VPS13D: variants seen among roughly 807,000 people sequenced by gnomAD.
VPS13D encodes the protein vacuolar protein sorting 13 homolog D.
VPS13D carries 187 observed loss-of-function variants against 461.9 expected under a neutral mutation model. The ratio of observed to expected loss-of-function variants is 0.40; its 90% CI spans 0.36 to 0.46. The LOEUF (loss-of-function observed/expected upper bound fraction) is 0.46. VPS13D is among the 20% of genes least tolerant of loss of function. VPS13D has a pLI of 0.60. For missense variants in VPS13D, 4,711 were observed against 5,364.9 expected (o/e 0.88, Z 3.81); for synonymous variants, 1,951 against 1,986.3 (o/e 0.98, Z 0.47).
Position 12,279,697 on chromosome 1 carries a change from TCTA to T in VPS13D, c.4602+48_4602+50del, listed in dbSNP as rs773593535. On this transcript the variant is annotated intron_variant, in intron 20 of 69. Coordinates refer to ENST00000620676, the MANE Select transcript of VPS13D (RefSeq NM_015378.4). This position sits in a 1 kb window ranked among gnomAD's most constrained non-coding sequence, Gnocchi z 4.3. ...TGAAGTCATATGTTTATATTAGTAC[TCTA>T]TAAATATGATATATATTTATGTATA... The T allele has an allele frequency of 9.7e-6, 14 of 1,440,384 alleles. No homozygotes were observed. The highest frequency in any genetic ancestry group is 2.0e-4 in the Middle Eastern group (1 of 5,020). The allele number at this position is 1,440,384 out of a possible 1,614,324, so 89.2% of individuals were successfully genotyped here.
intron 60 of VPS13D, among the ~76,000 whole-genome samples, chr1:12,388,273 A>C (rs1436045225): frequency 1.3e-5 from 2 of 152,188 alleles, no homozygotes; most frequent in Non-Finnish European, 2.9e-5. Flanking sequence ...TAATTCAGCA[A>C]AGGAGATAAA....
intron 46 of VPS13D, among the ~76,000 whole-genome samples, chr1:12,352,965 CAAAAAAAAAA>C (rs61588046): frequency 1.9e-3 from 34 of 17,584 alleles, no homozygotes; most frequent in Admixed American, 6.1e-3. Flanking sequence ...AACTCAGTCT[CAAAAAAAAAA>C]AAAAAAAAAA....
At position 12,299,852 on chromosome 1, in the gene VPS13D, A is replaced by G. The variant is rs1642370463; in HGVS notation, c.6216+468A>G. Among the ~76,000 whole-genome samples, 1 of 151,288 alleles carries G rather than the reference A, an allele frequency of 6.6e-6. No homozygotes were observed. Among genetic ancestry groups the G allele is most frequent in the African/African-American group, 2.4e-5 (1 of 41,258 alleles). On this transcript the variant is annotated intron_variant, in intron 25 of 69. Coordinates refer to ENST00000620676, the MANE Select transcript of VPS13D (RefSeq NM_015378.4). This position sits in a 1 kb window ranked among gnomAD's most constrained non-coding sequence, Gnocchi z 4.2. Reference sequence around the variant, plus strand: ...GAAGCCATTTAAAAATGTCTTAATAATAACATCTGTACAGTATATTGCTTT... The same window carrying G: ...GAAGCCATTTAAAAATGTCTTAATAGTAACATCTGTACAGTATATTGCTTT...
rs1645393535 is a variant in VPS13D, at chr1:12,460,369, G to A, written c.12635G>A (p.Arg4212Lys). 1 of 1,609,122 alleles carries A rather than the reference G, an allele frequency of 6.2e-7. No homozygotes were observed. Among genetic ancestry groups the A allele is most frequent in the Admixed American group, 1.7e-5 (1 of 59,514 alleles). The change falls in exon 67 of 70, where the codon AGA (arginine) becomes AAA (lysine). Residue 4212 changes from arginine (R) to lysine (K), a missense_variant. Around this residue, in one of 3 missense-constraint regions of VPS13D, gnomAD observed 106 missense variants for 206.2 expected, o/e 0.51. Transcript: ENST00000620676. ...DFASETAQAVRDTATLSGPRT... is the reference protein window; with the variant it reads ...DFASETAQAVKDTATLSGPRT... ...GCATCAGAAACAGCCCAGGCGGTGA[G>A]AGACACAGCCACACTCAGCGGCCCC...
At chr1:12,477,133 G>A (rs536265162) in intron 67 of VPS13D, among the ~76,000 whole-genome samples, 1 of 152,160 alleles carries the variant, frequency 6.6e-6, no homozygotes, top group African/African-American at 2.4e-5. Flanking sequence ...CCAACTCTTA[G>A]TATCAAGATG....
intron 65 of VPS13D, among the ~76,000 whole-genome samples, chr1:12,443,658 C>T (rs1228533295): frequency 1.3e-5 from 2 of 151,894 alleles, no homozygotes; most frequent in East Asian, 3.9e-4. Context: ...TTATGTTTAA[C>T]CCTCACAAAA....
intron 24 of VPS13D, among the ~76,000 whole-genome samples, chr1:12,298,302 A>G (rs965150770): frequency 6.6e-6 from 1 of 152,190 alleles, no homozygotes; most frequent in Non-Finnish European, 1.5e-5. Flanking sequence ...GGCCTGTATT[A>G]TGGCCGAGGC....
intron 46 of VPS13D, among the ~76,000 whole-genome samples, chr1:12,351,156 A>G (rs368972166): frequency 2.0e-5 from 3 of 152,236 alleles, no homozygotes; most frequent in Admixed American, 6.5e-5. Flanking sequence ...CTCAGAAAAT[A>G]GAAGAGGAAA....
chr1:12,292,594 C>T (rs1012775318), intron 23 of VPS13D, among the ~76,000 whole-genome samples: 1 of 151,964 alleles, frequency 6.6e-6, no homozygotes, highest in Admixed American at 6.6e-5. Flanking sequence ...CATGCACCAT[C>T]ACACCCGGCT....
At position 12,276,302 on chromosome 1, in the gene VPS13D, A is replaced by G. The variant is rs1361517495; in HGVS notation, c.2714A>G (p.Glu905Gly). The stretch of plus-strand genomic sequence containing the variant: ...TGCTTTGCTCTCCTCACCACCCCAG[A>G]AATGAAAACTTCTGACACTCAGATT... ...KNCFALLTTP[E>G]MKTSDTQIKE... is the part of the protein sequence containing the mutation. The change falls in exon 19 of 70, where the codon GAA becomes GGA. Residue 905 changes from glutamate (E) to glycine (G), a missense_variant. Transcript: ENST00000620676. The surrounding 1 kb of genome is among the most constrained non-coding windows in gnomAD (Gnocchi z 4.5). The G allele has an allele frequency of 6.2e-7, 1 of 1,614,052 alleles. No individual in the cohort carries two copies. The highest frequency in any genetic ancestry group is 1.3e-5 in the African/African-American group (1 of 74,916).
chr1:12,459,822 G>A (rs930765703), intron 66 of VPS13D, among the ~76,000 whole-genome samples: 1 of 151,862 alleles, frequency 6.6e-6, no homozygotes, highest in African/African-American at 2.4e-5. Context: ...AACTTTCCCC[G>A]AAGGCCCAAT....
chr1:12,326,717 C>T (rs575617092), intron 35 of VPS13D, among the ~76,000 whole-genome samples: 1 of 151,902 alleles, frequency 6.6e-6, no homozygotes, highest in South Asian at 2.1e-4. Context: ...AATCTTGGCT[C>T]CCTGCAACCT....
chr1:12,362,912 C>G (rs540817544), intron 51 of VPS13D, 62 bp downstream of exon 51: 2 of 1,607,846 alleles, frequency 1.2e-6, no homozygotes, highest in Admixed American at 3.4e-5. Context: ...TTAATGTCAT[C>G]TTCTGTGAAG....
intron 3 of VPS13D, among the ~76,000 whole-genome samples, chr1:12,243,609 C>G (rs1557659794): frequency 6.6e-6 from 1 of 152,152 alleles, no homozygotes; most frequent in African/African-American, 2.4e-5. Context: ...CTGGGCAACA[C>G]TGCTTGACTC....
intron 13 of VPS13D, among the ~76,000 whole-genome samples, chr1:12,266,258 CTG>C (rs1641263339): frequency 2.0e-5 from 3 of 152,364 alleles, no homozygotes; most frequent in East Asian, 1.9e-4. Context: ...AGAGGATTGA[CTG>C]TGGTTTTGAA....
chr1:12,410,538 G>GA (rs1644712963), intron 63 of VPS13D, among the ~76,000 whole-genome samples: 1 of 152,030 alleles, frequency 6.6e-6, no homozygotes, highest in African/African-American at 2.4e-5. Flanking sequence ...GAGACCAAGA[G>GA]AAAAAACAAA....
intron 25 of VPS13D, among the ~76,000 whole-genome samples, chr1:12,303,644 T>C (rs1025801493): frequency 6.6e-6 from 1 of 152,212 alleles, no homozygotes; most frequent in Non-Finnish European, 1.5e-5. Flanking sequence ...GTTTTTGTAT[T>C]CTTTTCCAAA....
At chr1:12,404,089 T>G (rs1644616510) in intron 63 of VPS13D, 116 bp downstream of exon 63, 1 of 690,748 alleles carries the variant, frequency 1.4e-6, no homozygotes, top group South Asian at 3.6e-5. Flanking sequence ...TTGTCCCTCA[T>G]CATCATTCAT....
intron 63 of VPS13D, among the ~76,000 whole-genome samples, chr1:12,411,793 T>C (rs77073573): frequency 0.06 from 9,066 of 152,268 alleles, 399 homozygotes; most frequent in Admixed American, 0.12. Context: ...GACCTCAGTC[T>C]CATGTCCAGC....
Sources: gnomAD v4.1 joint callset for allele counts (sites outside exome capture counted in the v4.1 genomes callset) on GRCh38, gnomAD v4.1.1 for gene constraint, gnomAD v4.1.1 regional missense constraint, Gnocchi (gnomAD v3.1) non-coding constraint, MANE v1.5 for transcripts, NCBI Gene and HGNC (gene_info 2026-07-23, HGNC 2026-07-21) for gene names.